Variants in NLGN1 observed in about 807,000 individuals in gnomAD.
The protein encoded by NLGN1 is neuroligin-1.
In NLGN1, 12 loss-of-function variants were observed where a neutral mutation model predicts 65.5. The observed-to-expected ratio is 0.18, with a 90% CI of 0.12 to 0.30. The LOEUF (loss-of-function observed/expected upper bound fraction) is 0.30, where lower values mean the gene tolerates loss of function less well. Ranked by LOEUF, NLGN1 falls within the 10% of genes least tolerant of loss-of-function variation. The pLI is 1.00. For synonymous variants in NLGN1, 350 were observed against 359.5 expected (o/e 0.97, Z 0.30); for missense variants, 750 against 1,007.1 (o/e 0.74, Z 3.46).
chr3:173,768,305 A>G (rs1779065829), intron 3 of NLGN1, among the ~76,000 whole-genome samples: 2 of 152,164 alleles, frequency 1.3e-5, no homozygotes, highest in Admixed American at 6.6e-5. Context: ...TTCTTCTCCA[A>G]TCAGAATGGA....
chr3:173,403,395 C>T (rs1240917883), intron 1 of NLGN1, among the ~76,000 whole-genome samples: 1 of 152,126 alleles, frequency 6.6e-6, no homozygotes. Context: ...CATATGATTT[C>T]ACCATCATAA....
rs560039058 is a variant in NLGN1, at chr3:174,053,611, G to C, written c.647-221704G>C. Reference sequence around the variant, plus strand: ...TAATGGGTAAAACTTAATGATCACTGTCCTCTAGGTGCTAGCATTGAACAG... The same window carrying C: ...TAATGGGTAAAACTTAATGATCACTCTCCTCTAGGTGCTAGCATTGAACAG... On this transcript the variant is annotated intron_variant, in intron 4 of 6. Coordinates refer to ENST00000457714, the Ensembl canonical transcript of NLGN1. Among the ~76,000 whole-genome samples, 362 of 152,106 alleles carry C rather than the reference G, an allele frequency of 2.4e-3. 2 individuals carry two copies. Among genetic ancestry groups the C allele is most frequent in the South Asian group, 0.015 (72 of 4,824 alleles).
intron 4 of NLGN1, among the ~76,000 whole-genome samples, chr3:173,846,779 G>C (rs1578761462): frequency 6.6e-6 from 1 of 152,326 alleles, no homozygotes; most frequent in East Asian, 1.9e-4. Context: ...ATTCACTCCA[G>C]TGTGTCTGCT....
chr3:173,660,538 G>A (rs1479516384), intron 3 of NLGN1, among the ~76,000 whole-genome samples: 1 of 151,770 alleles, frequency 6.6e-6, no homozygotes, highest in Non-Finnish European at 1.5e-5. Flanking sequence ...TTGGATGGCT[G>A]AAGATCAAAA....
chr3:173,760,746 G>GA (rs1777855637), intron 3 of NLGN1, among the ~76,000 whole-genome samples: 2 of 152,046 alleles, frequency 1.3e-5, no homozygotes, highest in South Asian at 4.1e-4. Flanking sequence ...CCAAATGAGA[G>GA]AAAAGCATAT....
intron 3 of NLGN1, among the ~76,000 whole-genome samples, chr3:173,758,581 G>A (rs1578291848): frequency 6.6e-6 from 1 of 152,034 alleles, no homozygotes; most frequent in East Asian, 1.9e-4. Context: ...CCCAGCCAGT[G>A]TTTCCCATAA....
intron 4 of NLGN1, among the ~76,000 whole-genome samples, chr3:173,944,880 T>A (rs1321938483): frequency 1.3e-5 from 2 of 152,182 alleles, no homozygotes; most frequent in African/African-American, 4.8e-5. Flanking sequence ...TAAATGGATG[T>A]GTAATAAAGA....
Position 174,158,457 on chromosome 3 carries a change from T to C in NLGN1, c.647-116858T>C, listed in dbSNP as rs192305827. On this transcript the variant is annotated intron_variant, in intron 4 of 6. Transcript: ENST00000457714. ...AACCATATAAACATTAGAGACAATA[T>C]AAAATAGAATATCATTGAAATTCCC... is the stretch of plus-strand genomic sequence containing the variant. Among the ~76,000 whole-genome samples the C allele has an allele frequency of 7.9e-5, 12 of 151,718 alleles. No individual in the cohort carries two copies. The East Asian group carries it at 2.3e-3, about 29-fold the overall frequency.
At chr3:174,083,849 A>T (rs1204507460) in intron 4 of NLGN1, among the ~76,000 whole-genome samples, 9 of 152,154 alleles carry the variant, frequency 5.9e-5, no homozygotes, top group African/African-American at 2.2e-4. Flanking sequence ...ACAAGAGTGA[A>T]AAAAAAGAGC....
chr3:173,473,561 T>C (rs2148935987), intron 2 of NLGN1, among the ~76,000 whole-genome samples: 1 of 152,272 alleles, frequency 6.6e-6, no homozygotes, highest in East Asian at 2.0e-4. Context: ...GAGGACTGTG[T>C]GCTTTGGGTA....
At chr3:173,620,862 A>C (rs1753882172) in intron 3 of NLGN1, among the ~76,000 whole-genome samples, 1 of 152,166 alleles carries the variant, frequency 6.6e-6, no homozygotes, top group Non-Finnish European at 1.5e-5. Flanking sequence ...TGTCAACTGG[A>C]AAGAAAGCAA....
At chr3:174,019,298 T>C (rs2152455710) in intron 4 of NLGN1, among the ~76,000 whole-genome samples, 1 of 152,256 alleles carries the variant, frequency 6.6e-6, no homozygotes, top group Admixed American at 6.5e-5. Context: ...ATAATTAATA[T>C]GAAATATGTT....
chr3:174,249,083 G>T (rs1329596464), intron 4 of NLGN1, among the ~76,000 whole-genome samples: 1 of 152,116 alleles, frequency 6.6e-6, no homozygotes, highest in Non-Finnish European at 1.5e-5. Flanking sequence ...GTCTCTTAAT[G>T]GTACAGCCTT....
chr3:173,448,544 C>T (rs1720832935), intron 2 of NLGN1, among the ~76,000 whole-genome samples: 1 of 152,136 alleles, frequency 6.6e-6, no homozygotes, highest in Non-Finnish European at 1.5e-5. Flanking sequence ...GTGTCTCTGC[C>T]AGGCTTTGGT....
At chr3:173,731,920 A>G (rs1346779905) in intron 3 of NLGN1, among the ~76,000 whole-genome samples, 1 of 152,032 alleles carries the variant, frequency 6.6e-6, no homozygotes, top group African/African-American at 2.4e-5. Flanking sequence ...GAAAAGATAA[A>G]CTCACTGAGG....
chr3:173,632,017 A>C (rs1305278060), intron 3 of NLGN1, among the ~76,000 whole-genome samples: 1 of 152,112 alleles, frequency 6.6e-6, no homozygotes, highest in Non-Finnish European at 1.5e-5. Flanking sequence ...TATTTATAAT[A>C]GAAATGCTGC....
intron 3 of NLGN1, among the ~76,000 whole-genome samples, chr3:173,677,798 C>G (rs1351864322): frequency 6.6e-6 from 1 of 152,024 alleles, no homozygotes; most frequent in African/African-American, 2.4e-5. Context: ...TTCCTGAATT[C>G]TGTATTAATG....
chr3:173,528,978 G>A (rs1736100350), intron 2 of NLGN1, among the ~76,000 whole-genome samples: 1 of 152,130 alleles, frequency 6.6e-6, no homozygotes. Flanking sequence ...GAGAGCTAGT[G>A]TGATCCTTTG....
intron 4 of NLGN1, among the ~76,000 whole-genome samples, chr3:174,062,516 C>T (rs1737640362): frequency 6.6e-6 from 1 of 151,680 alleles, no homozygotes; most frequent in Non-Finnish European, 1.5e-5. Flanking sequence ...TGATTAAATG[C>T]CAACTAAGAA....
Sources: allele counts gnomAD v4.1 joint callset (sites outside exome capture counted in the v4.1 genomes callset), GRCh38; gene constraint gnomAD v4.1.1; transcripts MANE v1.5; gene names NCBI Gene and HGNC (gene_info 2026-07-23, HGNC 2026-07-21).